The following CHM variants were observed in gnomAD, a reference collection of about 807,000 sequenced individuals.
The protein encoded by CHM is rab proteins geranylgeranyltransferase component A 1.
A neutral mutation model predicts 49.0 loss-of-function variants in CHM; 10 were observed. The ratio of observed to expected loss-of-function variants is 0.20; its 90% CI spans 0.13 to 0.35. The LOEUF is 0.35. Ranked by LOEUF, CHM falls within the 10% of genes least tolerant of loss-of-function variation. The pLI, the probability that CHM is intolerant of heterozygous loss-of-function variation, is 1.00. For missense variants in CHM, 455 were observed against 478.4 expected (o/e 0.95, Z 0.46); for synonymous variants, 184 against 167.5 (o/e 1.10, Z -0.76).
Position 85,997,170 on chromosome X carries a change from T to C in CHM, c.117-15361A>G, listed in dbSNP as rs370038113. ...ACAGTGAGAAGTCAATAAGGGATTATTGCATTGCGGCCACTCCAATTCACT... is the reference window on the plus strand; with the variant it reads ...ACAGTGAGAAGTCAATAAGGGATTACTGCATTGCGGCCACTCCAATTCACT... On this transcript the variant is annotated intron_variant, in intron 2 of 14. Coordinates refer to ENST00000357749, the MANE Select transcript of CHM (RefSeq NM_000390.4). 4.2e-4 allele frequency among the ~76,000 whole-genome samples: 47 copies of C among 111,989 alleles called. No individual in the cohort carries two copies. The East Asian group carries it at 5.6e-3, about 13-fold the overall frequency.
chrX:85,869,551 G>T (rs148157608), intron 14 of CHM, among the ~76,000 whole-genome samples: 1 of 110,908 alleles, frequency 9.0e-6, no homozygotes, highest in Non-Finnish European at 1.9e-5. Context: ...TGTTCTACCT[G>T]CTTATGAAAC....
At chrX:85,906,939 C>T (rs929937968) in intron 9 of CHM, among the ~76,000 whole-genome samples, 1 of 111,152 alleles carries the variant, frequency 9.0e-6, no homozygotes, top group Admixed American at 9.6e-5. Flanking sequence ...TTCGAGACTG[C>T]CCTGACAACA....
chrX:85,914,714 G>A (rs956267349), intron 8 of CHM, among the ~76,000 whole-genome samples: 19 of 111,391 alleles, frequency 1.7e-4, no homozygotes, highest in Non-Finnish European at 3.2e-4. Context: ...ACACTGCCCT[G>A]CTAGTATACA....
chrX:86,039,329 T>C (rs1456501427), intron 1 of CHM, among the ~76,000 whole-genome samples: 1 of 110,271 alleles, frequency 9.1e-6, no homozygotes, highest in Non-Finnish European at 1.9e-5. Context: ...TTTTTCTCTA[T>C]ACTTTAGCTT....
intron 2 of CHM, among the ~76,000 whole-genome samples, chrX:85,995,246 C>T (rs1273555144): frequency 1.8e-5 from 1 of 56,666 alleles, no homozygotes; most frequent in South Asian, 1.2e-3. Context: ...AGGGTGAAAA[C>T]ATTCCTTATT....
rs193233803 is a variant in CHM, at chrX:85,887,770, G to T, written c.1510+6418C>A. 7.2e-3 allele frequency among the ~76,000 whole-genome samples: 799 copies of T among 111,286 alleles called. 6 individuals are homozygous for T. Among genetic ancestry groups the T allele is most frequent in the Non-Finnish European group, 0.011 (577 of 53,066 alleles). On this transcript the variant is annotated intron_variant, in intron 12 of 14. Coordinates refer to ENST00000357749, the MANE Select transcript of CHM (RefSeq NM_000390.4). ...ACTTGTTGGGAACTGGAGTAAAGGTGACTCTTGTTATGTTTTAGCAAAGAG... is the reference window on the plus strand; with the variant it reads ...ACTTGTTGGGAACTGGAGTAAAGGTTACTCTTGTTATGTTTTAGCAAAGAG...
intron 2 of CHM, among the ~76,000 whole-genome samples, chrX:85,992,930 G>C (rs1932273235): frequency 8.9e-6 from 1 of 111,790 alleles, no homozygotes; most frequent in Admixed American, 9.4e-5. Flanking sequence ...TTCCACATTA[G>C]TCCACCCATT....
chrX:85,962,633 T>C (rs776923023), intron 5 of CHM, among the ~76,000 whole-genome samples: 4 of 111,741 alleles, frequency 3.6e-5, no homozygotes, highest in Admixed American at 9.5e-5. Context: ...GCAAGTCTTG[T>C]GCTATTCACT....
intron 7 of CHM, among the ~76,000 whole-genome samples, chrX:85,957,349 A>T (rs1173513919): frequency 9.0e-6 from 1 of 111,350 alleles, no homozygotes; most frequent in Non-Finnish European, 1.9e-5. Flanking sequence ...AATAGAAACC[A>T]TGCCTTTTCT....
chrX:85,949,979 ATATAT>A lies in CHM; in HGVS notation c.1166+6169_1166+6173del, dbSNP rs1281726030. Among the ~76,000 whole-genome samples the A allele has an allele frequency of 3.1e-3, 97 of 31,482 alleles. 1 individual carries two copies. The highest frequency in any genetic ancestry group is 0.026 in the Admixed American group (79 of 3,006). The allele number at this position is 31,482 out of a possible 115,157, so 27.3% of individuals were successfully genotyped here. On this transcript the variant is annotated intron_variant, in intron 8 of 14. Coordinates refer to ENST00000357749, the MANE Select transcript of CHM (RefSeq NM_000390.4). ...TTTGAGCAATAAACACTGAAATTAA[ATATAT>A]ATATATATATATATATATATATATA...
rs746000014 is a variant in CHM, at chrX:85,862,360, G to A, written c.*2270C>T. 8.9e-6 allele frequency: 1 copy of A among 112,264 alleles called. No homozygotes were observed. The highest frequency in any genetic ancestry group is 2.8e-4 in the East Asian group (1 of 3,551). 9.3% of individuals were successfully genotyped at this position (112,264 alleles called of 1,213,427 possible). On this transcript the variant is annotated 3_prime_UTR_variant, in exon 15 of 15. Coordinates refer to ENST00000357749, the MANE Select transcript of CHM (RefSeq NM_000390.4). ...ACCGTAACAGTACAATATCTTTATT[G>A]GCACAATTTACTGCAATTGTATTCA... is the stretch of plus-strand genomic sequence containing the variant.
chrX:85,943,792 G>A (rs757840852), intron 8 of CHM, among the ~76,000 whole-genome samples: 1 of 111,483 alleles, frequency 9.0e-6, no homozygotes, highest in East Asian at 2.8e-4. Context: ...TAGAAAATCT[G>A]GTTTCTAGCC....
At chrX:85,869,693 T>C (rs1923929180) in intron 14 of CHM, among the ~76,000 whole-genome samples, 1 of 112,145 alleles carries the variant, frequency 8.9e-6, no homozygotes, top group African/African-American at 3.2e-5. Flanking sequence ...CTCTGGAAAG[T>C]GTATCTAATG....
chrX:85,948,916 G>A (rs1475807132), intron 8 of CHM, among the ~76,000 whole-genome samples: 1 of 111,709 alleles, frequency 9.0e-6, no homozygotes, highest in African/African-American at 3.2e-5. Context: ...ATATCTGTAG[G>A]TCAAGGAAAT....
chrX:85,924,287 A>G (rs1251684557), intron 8 of CHM, among the ~76,000 whole-genome samples: 1 of 111,449 alleles, frequency 9.0e-6, no homozygotes, highest in Non-Finnish European at 1.9e-5. Context: ...CACATGAAGA[A>G]GTGGAGAGGC....
intron 2 of CHM, among the ~76,000 whole-genome samples, chrX:85,985,271 C>G (rs1162776111): frequency 8.9e-6 from 1 of 112,371 alleles, no homozygotes; most frequent in African/African-American, 3.2e-5. Context: ...CCCCCAAGCC[C>G]AGCACAGCGG....
chrX:86,006,923 T>C (rs1200082139), intron 2 of CHM, among the ~76,000 whole-genome samples: 9 of 111,689 alleles, frequency 8.1e-5, no homozygotes, highest in African/African-American at 2.6e-4. Context: ...AAAGTTCATA[T>C]GGAACCAAAA....
chrX:85,947,772 A>G (rs777678753), intron 8 of CHM, among the ~76,000 whole-genome samples: 8 of 112,185 alleles, frequency 7.1e-5, no homozygotes, highest in Admixed American at 1.9e-4. Flanking sequence ...TTTCCTATAA[A>G]TCTCACATCT....
At chrX:85,921,595 G>C (rs1927789690) in intron 8 of CHM, among the ~76,000 whole-genome samples, 1 of 111,982 alleles carries the variant, frequency 8.9e-6, no homozygotes, top group Non-Finnish European at 1.9e-5. Context: ...TGTTACAAGA[G>C]AAAAATTAGA....
Sources: allele counts gnomAD v4.1 joint callset (sites outside exome capture counted in the v4.1 genomes callset), GRCh38; gene constraint gnomAD v4.1.1; transcripts MANE v1.5; gene names NCBI Gene and HGNC (gene_info 2026-07-23, HGNC 2026-07-21).